The following GRIA2 variants were observed in gnomAD, a reference collection of about 807,000 sequenced individuals.
GRIA2 encodes glutamate ionotropic receptor AMPA type subunit 2.
GRIA2 carries 14 observed loss-of-function variants against 97.3 expected under a neutral mutation model. The ratio of observed to expected loss-of-function variants is 0.14; its 90% CI spans 0.10 to 0.23. The LOEUF (loss-of-function observed/expected upper bound fraction) is 0.23. Ranked by LOEUF, GRIA2 falls within the 10% of genes least tolerant of loss-of-function variation. The pLI, the probability that GRIA2 is intolerant of heterozygous loss-of-function variation, is 1.00. For synonymous variants in GRIA2, 412 were observed against 387.8 expected, an observed-to-expected ratio of 1.06 and a Z score of -0.73; for missense variants, 558 against 1,069.8, an observed-to-expected ratio of 0.52 and a Z score of 6.67.
chr4:157,286,935 G>C (rs1298161527), intron 2 of GRIA2, among the ~76,000 whole-genome samples: 5 of 151,492 alleles, frequency 3.3e-5, no homozygotes, highest in Non-Finnish European at 7.4e-5. Flanking sequence ...AGTAGCCTTT[G>C]TGAAAGTCAA....
At position 157,240,799 on chromosome 4, in the gene GRIA2, G is replaced by A. The variant is rs141103097; in HGVS notation, c.229+18992G>A. Among the ~76,000 whole-genome samples, 69 of 151,490 alleles carry A rather than the reference G, an allele frequency of 4.6e-4. 1 individual carries two copies. In the East Asian group the frequency reaches 0.01, roughly 22 times the overall value. ...ATGTATACATGTGCCATGCTGGTGC[G>A]CCGCACCCACTAACTCGTCATCTAG... On this transcript the variant is annotated intron_variant, in intron 2 of 15. Coordinates refer to ENST00000264426, the MANE Select transcript of GRIA2 (RefSeq NM_001083619.3).
Position 157,332,280 on chromosome 4 carries a change from G to T in GRIA2, c.883-539G>T, listed in dbSNP as rs114892636. Among the ~76,000 whole-genome samples the T allele has an allele frequency of 3.9e-3, 586 of 152,012 alleles. 3 individuals carry two copies. The highest frequency in any genetic ancestry group is 0.014 in the African/African-American group (562 of 41,506). On this transcript the variant is annotated intron_variant, in intron 6 of 15. Transcript: ENST00000264426. ...GGCATAGAAATTATGAAGTTTTGTG[G>T]TTCTTCTACTTGATTACCAGAATCG...
At chr4:157,240,272 G>A (rs1348991013) in intron 2 of GRIA2, among the ~76,000 whole-genome samples, 3 of 152,036 alleles carry the variant, frequency 2.0e-5, no homozygotes, top group Admixed American at 6.6e-5. Flanking sequence ...CATGATATCC[G>A]TAATATTTTT....
At chr4:157,288,684 C>T (rs62331540) in intron 2 of GRIA2, among the ~76,000 whole-genome samples, 1 of 151,568 alleles carries the variant, frequency 6.6e-6, no homozygotes. Context: ...AAGATTTAGC[C>T]ATTAGAAACA....
chr4:157,362,130 G>A (rs1226251854), intron 14 of GRIA2, among the ~76,000 whole-genome samples: 1 of 152,072 alleles, frequency 6.6e-6, no homozygotes, highest in East Asian at 1.9e-4. Flanking sequence ...GTAGTCTAGT[G>A]GATGAGAGTA....
intron 12 of GRIA2, chr4:157,342,584 A>G (rs1447857425): frequency 3.3e-6 from 1 of 300,166 alleles, no homozygotes; most frequent in Non-Finnish European, 4.9e-6. Flanking sequence ...AAAATGTATT[A>G]TCATTTCTAA....
rs767512376 is a variant in GRIA2, at chr4:157,364,378, G to T, written c.*947G>T. The T allele has an allele frequency of 6.6e-6, 1 of 152,248 alleles. No homozygotes were observed. The highest frequency in any genetic ancestry group is 1.5e-5 in the Non-Finnish European group (1 of 67,922). 9.4% of individuals were successfully genotyped at this position (152,248 alleles called of 1,614,324 possible). On this transcript the variant is annotated 3_prime_UTR_variant, in exon 16 of 16. Transcript: ENST00000264426. Reference sequence around the variant, plus strand: ...ACTACCAAGTTGTTAGGTGCCCAGAGAAAATTTCTCCCTTTTAAAAAGGCC... The same window carrying T: ...ACTACCAAGTTGTTAGGTGCCCAGATAAAATTTCTCCCTTTTAAAAAGGCC...
At chr4:157,356,240 T>C (rs1054788878) in intron 12 of GRIA2, among the ~76,000 whole-genome samples, 1 of 144,770 alleles carries the variant, frequency 6.9e-6, no homozygotes, top group Non-Finnish European at 1.5e-5. Context: ...TTAAATTTCG[T>C]GAAAAGCAGC....
At chr4:157,239,921 T>C (rs1730427992) in intron 2 of GRIA2, among the ~76,000 whole-genome samples, 1 of 152,080 alleles carries the variant, frequency 6.6e-6, no homozygotes, top group Non-Finnish European at 1.5e-5. Context: ...TATATCTAAT[T>C]CATGTATTCT....
intron 6 of GRIA2, among the ~76,000 whole-genome samples, chr4:157,326,174 C>G (rs190049229): frequency 2.0e-5 from 3 of 152,090 alleles, no homozygotes; most frequent in Admixed American, 2.0e-4. Context: ...GACTGTTGTC[C>G]CCTTAAATAT....
intron 2 of GRIA2, among the ~76,000 whole-genome samples, chr4:157,227,126 C>G (rs1729784301): frequency 6.6e-6 from 1 of 152,128 alleles, no homozygotes; most frequent in Non-Finnish European, 1.5e-5. Flanking sequence ...ACTATAGAGG[C>G]TTAAATTAGT....
At chr4:157,353,894 C>G (rs1736131481) in intron 12 of GRIA2, among the ~76,000 whole-genome samples, 1 of 151,952 alleles carries the variant, frequency 6.6e-6, no homozygotes, top group Non-Finnish European at 1.5e-5. Flanking sequence ...AATCAAACTA[C>G]TTTTCTTTAA....
At chr4:157,263,304 G>T (rs1411541921) in intron 2 of GRIA2, among the ~76,000 whole-genome samples, 1 of 151,640 alleles carries the variant, frequency 6.6e-6, no homozygotes, top group Non-Finnish European at 1.5e-5. Flanking sequence ...TGAGATGACT[G>T]TTTTATATTT....
chr4:157,358,170 T>C (rs1736475271), intron 12 of GRIA2, among the ~76,000 whole-genome samples: 1 of 152,164 alleles, frequency 6.6e-6, no homozygotes, highest in Non-Finnish European at 1.5e-5. Context: ...TCAAATGCTA[T>C]AACTAATCTT....
chr4:157,357,706 A>G (rs1560782564), intron 12 of GRIA2, among the ~76,000 whole-genome samples: 1 of 152,114 alleles, frequency 6.6e-6, no homozygotes, highest in Non-Finnish European at 1.5e-5. Context: ...GACCTAACAT[A>G]CCAGAACTAA....
intron 3 of GRIA2, among the ~76,000 whole-genome samples, chr4:157,308,146 CT>C (rs1560758523): frequency 1.3e-5 from 2 of 152,162 alleles, no homozygotes; most frequent in African/African-American, 4.8e-5. Context: ...ACCGGGTGAC[CT>C]TTTAAAGGGT....
chr4:157,277,534 A>C (rs558800585), intron 2 of GRIA2, among the ~76,000 whole-genome samples: 1 of 151,850 alleles, frequency 6.6e-6, no homozygotes, highest in Non-Finnish European at 1.5e-5. Flanking sequence ...TAGCTAATGT[A>C]ATAATACAAG....
chr4:157,261,037 A>G, intron 2 of GRIA2, among the ~76,000 whole-genome samples: 1 of 152,074 alleles, frequency 6.6e-6, no homozygotes, highest in Admixed American at 6.6e-5. Context: ...TATTACATGT[A>G]TTAGTCCATT....
chr4:157,342,726 C>T (rs1034548320), intron 12 of GRIA2, among the ~76,000 whole-genome samples: 3 of 151,890 alleles, frequency 2.0e-5, no homozygotes, highest in African/African-American at 7.2e-5. Flanking sequence ...AAATGAGGTG[C>T]TCCCTCTTGA....
Sources: allele counts gnomAD v4.1 joint callset (sites outside exome capture counted in the v4.1 genomes callset), GRCh38; gene constraint gnomAD v4.1.1; transcripts MANE v1.5; gene names NCBI Gene and HGNC (gene_info 2026-07-23, HGNC 2026-07-21).